The following IL17D variants were observed in gnomAD, a reference collection of about 807,000 sequenced individuals.
The protein encoded by IL17D is interleukin-17D.
A neutral mutation model predicts 5.7 loss-of-function variants in IL17D; 10 were observed. That is an observed-to-expected ratio of 1.75 (90% CI 1.08 to 2.97). IL17D has a LOEUF of 2.97. IL17D is among the 30% of genes most tolerant of loss of function. The probability of loss-of-function intolerance (pLI) is 0.00; values close to 1 mark genes in which losing one functional copy is unlikely to be tolerated. For synonymous variants in IL17D, 172 were observed against 141.7 expected, an observed-to-expected ratio of 1.21 and a Z score of -1.52; for missense variants, 354 against 292.7, an observed-to-expected ratio of 1.21 and a Z score of -1.53.
chr13:20,706,824 C>T (rs544891167), intron 1 of IL17D, among the ~76,000 whole-genome samples: 3 of 152,222 alleles, frequency 2.0e-5, no homozygotes, highest in African/African-American at 4.8e-5. Flanking sequence ...ACACAGGGTT[C>T]GGGGATCGTG....
At chr13:20,710,475 C>T (rs1400592062) in intron 1 of IL17D, among the ~76,000 whole-genome samples, 7 of 67,128 alleles carry the variant, frequency 1.0e-4, no homozygotes, top group South Asian at 7.6e-4. Context: ...AAAAAAAATA[C>T]GAAATTAGCC....
intron 1 of IL17D, among the ~76,000 whole-genome samples, chr13:20,706,650 G>T (rs960072530): frequency 9.9e-5 from 15 of 152,248 alleles, no homozygotes; most frequent in Admixed American, 2.6e-4. Context: ...GACAATGACT[G>T]GTTGGAGCTC....
intron 1 of IL17D, 74 bp from the exon 2 acceptor site, chr13:20,721,561 AC>A: frequency 3.8e-6 from 5 of 1,302,722 alleles, no homozygotes; most frequent in Non-Finnish European, 5.2e-6. Context: ...CTCCCCGGTG[AC>A]TCTAACCAGG....
chr13:20,722,133 C>G lies in IL17D; in HGVS notation c.*179C>G, dbSNP rs2058742024. 2 of 566,734 alleles carry G rather than the reference C, an allele frequency of 3.5e-6. No homozygotes were observed. The highest frequency in any genetic ancestry group is 7.0e-5 in the Admixed American group (2 of 28,638). The allele number at this position is 566,734 out of a possible 1,614,324, so 35.1% of individuals were successfully genotyped here. A position where few individuals can be genotyped will look rare whatever the true frequency, so the allele number is the denominator to read the frequency against. On this transcript the variant is annotated 3_prime_UTR_variant, in exon 2 of 2. Transcript: ENST00000682841. Reference sequence around the variant, plus strand: ...GCAGCTTCATCTGACACGGGCATCCCTGGCTTGCTTTTAGCTACAAGCAAG... The same window carrying G: ...GCAGCTTCATCTGACACGGGCATCCGTGGCTTGCTTTTAGCTACAAGCAAG...
At chr13:20,709,140 C>CTT (rs61612538) in intron 1 of IL17D, among the ~76,000 whole-genome samples, 53,694 of 136,908 alleles carry the variant, frequency 0.39, 11,447 homozygotes, top group Non-Finnish European at 0.49. Context: ...CTAAGAAGCC[C>CTT]TTTTTTTTTT....
In IL17D at chr13:20,721,972, G is replaced by A. The variant is rs749258658; in HGVS notation, c.*18G>A. On this transcript the variant is annotated 3_prime_UTR_variant, in exon 2 of 2. Transcript: ENST00000682841. ...GCCCCTGAGGCCGGTCCTGCCCCGG[G>A]AGGTCTCCCCGGCCCGCATCCCGAG... The A allele has an allele frequency of 1.1e-5, 17 of 1,561,010 alleles. No homozygotes were observed. In the East Asian group the frequency reaches 3.6e-4, roughly 33 times the overall value.
chr13:20,711,820 A>G (rs1009835477), intron 1 of IL17D, among the ~76,000 whole-genome samples: 1 of 133,876 alleles, frequency 7.5e-6, no homozygotes, highest in African/African-American at 2.9e-5. Context: ...ACCTTGGGAT[A>G]CAGATGTGGG....
Position 20,722,125 on chromosome 13 carries a change from G to C in IL17D, c.*171G>C. On this transcript the variant is annotated 3_prime_UTR_variant, in exon 2 of 2. Transcript: ENST00000682841. Reference sequence around the variant, plus strand: ...ACTCGTAAGCAGCTTCATCTGACACGGGCATCCCTGGCTTGCTTTTAGCTA... The same window carrying C: ...ACTCGTAAGCAGCTTCATCTGACACCGGCATCCCTGGCTTGCTTTTAGCTA... 1.7e-6 allele frequency: 1 copy of C among 587,002 alleles called. No individual in the cohort carries two copies. Among genetic ancestry groups the C allele is most frequent in the Non-Finnish European group, 2.9e-6 (1 of 345,346 alleles). The allele number at this position is 587,002 out of a possible 1,614,324, so 36.4% of individuals were successfully genotyped here.
Position 20,716,061 on chromosome 13 carries a change from C to T in IL17D, c.291-5575C>T, listed in dbSNP as rs200678194. The stretch of plus-strand genomic sequence containing the variant: ...GAATCGACACTTTTAACAGGAGTCC[C>T]ATATAGGCCTCATGCCGGTGGTCTG... On this transcript the variant is annotated intron_variant, in intron 1 of 1. Coordinates refer to ENST00000682841, the MANE Select transcript of IL17D (RefSeq NM_001385224.1). This position sits in a 1 kb window ranked among gnomAD's most constrained non-coding sequence, Gnocchi z 4.2. The T allele has an allele frequency of 9.1e-6, 9 of 983,982 alleles. No individual in the cohort carries two copies. In the East Asian group the frequency reaches 9.1e-4, roughly 99 times the overall value. 61.0% of individuals were successfully genotyped at this position (983,982 alleles called of 1,614,324 possible). A position where few individuals can be genotyped will look rare whatever the true frequency, so the allele number is the denominator to read the frequency against.
upstream of IL17D, chr13:20,701,644 G>A (rs532902450): frequency 1.3e-5 from 2 of 152,252 alleles, no homozygotes; most frequent in South Asian, 4.1e-4. Context: ...AACACGATGA[G>A]CCTGCTTTTG....
upstream of IL17D, chr13:20,703,360 T>C: frequency 1.0e-6 from 1 of 985,966 alleles, no homozygotes; most frequent in Non-Finnish European, 1.2e-6. Flanking sequence ...TTTCAGCTCC[T>C]GGAGGCGAAA....
chr13:20,713,656 C>G (rs2058657822), intron 1 of IL17D: 1 of 152,214 alleles, frequency 6.6e-6, no homozygotes, highest in African/African-American at 2.4e-5. Context: ...ATCAGCGCCT[C>G]TTGCAATGCT....
At position 20,721,780 on chromosome 13, in the gene IL17D, C is replaced by T; in HGVS notation, c.435C>T (p.Arg145=). 6.2e-7 allele frequency: 1 copy of T among 1,609,442 alleles called. No individual in the cohort carries two copies. The highest frequency in any genetic ancestry group is 8.5e-7 in the Non-Finnish European group (1 of 1,179,744). The part of the protein sequence containing the change: ...PVYMPTVVLR[R]TPACAGGRSV... ...ACATGCCCACCGTCGTCCTGCGCCG[C>T]ACCCCCGCCTGCGCCGGCGGCCGTT... is the stretch of plus-strand genomic sequence containing the variant. Residue 145 remains arginine (R), a synonymous_variant, in exon 2 of 2, where the codon CGC becomes CGT. Coordinates refer to ENST00000682841, the MANE Select transcript of IL17D (RefSeq NM_001385224.1).
rs980146135 is a variant in IL17D at position 20,721,921 on chromosome 13, G to T, written c.576G>T (p.Leu192=). 2 of 1,603,380 alleles carry T rather than the reference G, an allele frequency of 1.2e-6. No individual in the cohort carries two copies. The highest frequency in any genetic ancestry group is 1.1e-5 in the South Asian group (1 of 90,886). Residue 192 remains leucine (L), a synonymous_variant, in exon 2 of 2, where the codon CTG becomes CTT. Transcript: ENST00000682841. ...SSIDKQGAKL[L]LGPNDAPAGP The stretch of plus-strand genomic sequence containing the variant: ...TCGACAAACAGGGCGCCAAGCTCCT[G>T]CTGGGCCCCAACGACGCGCCCGCTG...
In IL17D at chr13:20,704,133, G is replaced by A. The variant is rs1311771566; in HGVS notation, c.132G>A (p.Gly44=). The change falls in exon 1 of 2, where the codon GGG becomes GGA. Residue 44 remains glycine, a synonymous_variant. Coordinates refer to ENST00000682841, the MANE Select transcript of IL17D (RefSeq NM_001385224.1). ...RPEELLEQLY[G]RLAAGVLSAF... ...AGGAGCTACTGGAGCAGCTGTACGG[G>A]CGCCTGGCGGCCGGCGTGCTCAGTG... is the stretch of plus-strand genomic sequence containing the variant. 3.0e-6 allele frequency: 4 copies of A among 1,332,184 alleles called. No homozygotes were observed. Among genetic ancestry groups the A allele is most frequent in the African/African-American group, 1.6e-5 (1 of 64,334 alleles). 82.5% of individuals were successfully genotyped at this position (1,332,184 alleles called of 1,614,324 possible). A position where few individuals can be genotyped will look rare whatever the true frequency, so the allele number is the denominator to read the frequency against.
chr13:20,703,053 T>C (rs7981573), upstream of IL17D: 151,455 of 153,624 alleles, frequency 0.99, 74,689 homozygotes, highest in Middle Eastern at 1. Flanking sequence ...CTTTTCTGCT[T>C]CGGAGACTTC....
chr13:20,714,516 G>A (rs1272873505), intron 1 of IL17D, among the ~76,000 whole-genome samples: 2 of 152,236 alleles, frequency 1.3e-5, no homozygotes, highest in African/African-American at 4.8e-5. Context: ...AGGAGAGGGT[G>A]GGCAGGCTAA....
chr13:20,712,021 G>A (rs1170264238), intron 1 of IL17D, among the ~76,000 whole-genome samples: 1 of 152,200 alleles, frequency 6.6e-6, no homozygotes. Flanking sequence ...TGTTTCCCAT[G>A]TGGGCTGTCC....
At chr13:20,719,803 C>G (rs2058716947) in intron 1 of IL17D, among the ~76,000 whole-genome samples, 1 of 152,130 alleles carries the variant, frequency 6.6e-6, no homozygotes, top group South Asian at 2.1e-4. Flanking sequence ...GTGGAATGTC[C>G]CCGAGTTTGG....
Sources: gnomAD v4.1 joint callset for allele counts (sites outside exome capture counted in the v4.1 genomes callset) on GRCh38, gnomAD v4.1.1 for gene constraint, Gnocchi (gnomAD v3.1) non-coding constraint, MANE v1.5 for transcripts, NCBI Gene and HGNC (gene_info 2026-07-23, HGNC 2026-07-21) for gene names.